NRXN1: variants seen among roughly 807,000 people sequenced by gnomAD.
NRXN1 encodes the protein neurexin 1.
In NRXN1, 39 loss-of-function variants were observed where a neutral mutation model predicts 150.9. The observed-to-expected ratio is 0.26, with a 90% CI of 0.20 to 0.34. The LOEUF is 0.34. Ranked by LOEUF, NRXN1 falls within the 10% of genes least tolerant of loss-of-function variation. The probability of loss-of-function intolerance (pLI) is 1.00; values close to 1 mark genes in which losing one functional copy is unlikely to be tolerated. For missense variants in NRXN1, 1,815 were observed against 1,949.9 expected (o/e 0.93, Z 1.30); for synonymous variants, 924 against 757.0 (o/e 1.22, Z -3.62).
Position 50,611,391 on chromosome 2 carries a change from C to T in NRXN1, c.1320+8631G>A, listed in dbSNP as rs1049642579. On this transcript the variant is annotated intron_variant, in intron 8 of 22. Transcript: ENST00000401669. ...GATGGGAAATAAAAATCTGTGGGTCCCCTGGAAAGGAAAGATTCTATGTTT... is the reference window on the plus strand; with the variant it reads ...GATGGGAAATAAAAATCTGTGGGTCTCCTGGAAAGGAAAGATTCTATGTTT... 2.0e-5 allele frequency among the ~76,000 whole-genome samples: 3 copies of T among 152,166 alleles called. 1 individual carries two copies. The highest frequency in any genetic ancestry group is 4.2e-4 in the South Asian group (2 of 4,818).
chr2:50,727,766 CAGACTTAATA>C lies in NRXN1; in HGVS notation c.833-104161_833-104152del, dbSNP rs1217686461. On this transcript the variant is annotated intron_variant, in intron 5 of 22. Coordinates refer to ENST00000401669, the MANE Select transcript of NRXN1 (RefSeq NM_001330078.2). ...AAGAAGAAGATCTTGGCTCCACTGT[CAGACTTAATA>C]AAGCTAGCATTGCATGAATCAGAAG... Among the ~76,000 whole-genome samples the C allele has an allele frequency of 6.6e-5, 10 of 152,198 alleles. No homozygotes were observed. In the East Asian group the frequency reaches 1.9e-3, roughly 29 times the overall value.
At chr2:49,997,781 C>T (rs1012907525) in intron 21 of NRXN1, among the ~76,000 whole-genome samples, 19 of 152,176 alleles carry the variant, frequency 1.2e-4, no homozygotes, top group Middle Eastern at 6.8e-3. Flanking sequence ...ACAGCCTGTT[C>T]CTAGAGTTCA....
intron 18 of NRXN1, among the ~76,000 whole-genome samples, chr2:50,202,322 C>T (rs1249996977): frequency 1.3e-5 from 2 of 151,998 alleles, no homozygotes; most frequent in Non-Finnish European, 2.9e-5. Flanking sequence ...CTGGCTAACA[C>T]GGTGAAACCC....
chr2:50,381,977 A>C (rs1171596305), intron 17 of NRXN1, among the ~76,000 whole-genome samples: 1 of 152,130 alleles, frequency 6.6e-6, no homozygotes, highest in Non-Finnish European at 1.5e-5. Context: ...AGGACAGAGA[A>C]GTTATTTAGT....
chr2:50,837,370 T>C (rs1208511900), intron 5 of NRXN1, among the ~76,000 whole-genome samples: 1 of 152,076 alleles, frequency 6.6e-6, no homozygotes, highest in Non-Finnish European at 1.5e-5. Flanking sequence ...AGCATAATGG[T>C]TTGGGGCAGG....
chr2:50,014,311 C>T (rs376911531), intron 21 of NRXN1, among the ~76,000 whole-genome samples: 2 of 151,998 alleles, frequency 1.3e-5, no homozygotes, highest in East Asian at 1.9e-4. Flanking sequence ...GGTTAGCACC[C>T]ACTAAGTGCT....
intron 18 of NRXN1, among the ~76,000 whole-genome samples, chr2:50,224,190 C>T (rs1222845844): frequency 6.6e-6 from 1 of 151,804 alleles, no homozygotes; most frequent in Middle Eastern, 3.2e-3. Flanking sequence ...TAATCATTTG[C>T]AAAATAAGCT....
chr2:50,872,982 C>T (rs888233428), intron 5 of NRXN1, among the ~76,000 whole-genome samples: 10 of 151,574 alleles, frequency 6.6e-5, no homozygotes, highest in African/African-American at 2.4e-4. Flanking sequence ...ACCTAGGTGG[C>T]AAAGCAAGAC....
rs564556859 is a variant in NRXN1, at chr2:50,965,107, T to C, written c.773-39152A>G. 3.3e-5 allele frequency among the ~76,000 whole-genome samples: 5 copies of C among 151,536 alleles called. No homozygotes were observed. The South Asian group carries it at 1.0e-3, about 31-fold the overall frequency. ...TATGAGTGTCGCAACCATTCTATTC[T>C]TCCCTCAAATACTATGAAACTTATA... On this transcript the variant is annotated intron_variant, in intron 2 of 22. Coordinates refer to ENST00000401669, the MANE Select transcript of NRXN1 (RefSeq NM_001330078.2).
At chr2:50,384,795 A>G (rs74998064) in intron 17 of NRXN1, among the ~76,000 whole-genome samples, 3,164 of 152,180 alleles carry the variant, frequency 0.021, 94 homozygotes, top group African/African-American at 0.071. Context: ...CCTGTCTTGC[A>G]TCTCTTGTAT....
chr2:50,345,224 C>T (rs570327902), intron 17 of NRXN1, among the ~76,000 whole-genome samples: 141 of 152,292 alleles, frequency 9.3e-4, no homozygotes, highest in African/African-American at 2.7e-3. Context: ...CTAGAACCCA[C>T]AGGGATGTGT....
At chr2:50,031,785 G>C (rs555575481) in intron 21 of NRXN1, among the ~76,000 whole-genome samples, 1 of 152,036 alleles carries the variant, frequency 6.6e-6, no homozygotes, top group Non-Finnish European at 1.5e-5. Context: ...GGGTTGTTTG[G>C]AAGTTAAACC....
intron 5 of NRXN1, among the ~76,000 whole-genome samples, chr2:50,670,162 G>A (rs924498892): frequency 1.3e-5 from 2 of 151,626 alleles, no homozygotes; most frequent in Non-Finnish European, 2.9e-5. Flanking sequence ...AATAAATACA[G>A]GTCTTTTCTC....
chr2:50,951,964 T>TATA (rs1491120783), intron 2 of NRXN1, among the ~76,000 whole-genome samples: 19 of 44,332 alleles, frequency 4.3e-4, no homozygotes, highest in East Asian at 2.7e-3. Context: ...TATATATATA[T>TATA]TTTTTTTTTT....
At chr2:50,811,594 G>A (rs1433036957) in intron 5 of NRXN1, among the ~76,000 whole-genome samples, 1 of 152,134 alleles carries the variant, frequency 6.6e-6, no homozygotes, top group Non-Finnish European at 1.5e-5. Context: ...CAATGTTCTA[G>A]AGTTACTTCT....
chr2:50,647,564 C>A lies in NRXN1; in HGVS notation c.833-23949G>T, dbSNP rs577774298. ...CCTAACTAGTGGAAATGCAAAGTAG[C>A]GCATACTATGGGGAATATAAATTGG... is the stretch of plus-strand genomic sequence containing the variant. On this transcript the variant is annotated intron_variant, in intron 5 of 22. Transcript: ENST00000401669. 2.6e-5 allele frequency among the ~76,000 whole-genome samples: 4 copies of A among 151,958 alleles called. 1 individual carries two copies. The highest frequency in any genetic ancestry group is 7.2e-5 in the African/African-American group (3 of 41,492).
At chr2:50,767,541 G>A (rs968244304) in intron 5 of NRXN1, among the ~76,000 whole-genome samples, 8 of 152,016 alleles carry the variant, frequency 5.3e-5, no homozygotes, top group Non-Finnish European at 8.8e-5. Context: ...CTAGATTTCC[G>A]ACAGTGTGCT....
intron 21 of NRXN1, among the ~76,000 whole-genome samples, chr2:50,024,317 GT>G (rs1400310843): frequency 2.4e-4 from 36 of 152,128 alleles, no homozygotes; most frequent in Admixed American, 2.3e-3. Context: ...AAAAGGACAG[GT>G]TTTTGCCCTG....
At chr2:50,283,574 A>T (rs914690138) in intron 17 of NRXN1, among the ~76,000 whole-genome samples, 4 of 152,194 alleles carry the variant, frequency 2.6e-5, no homozygotes, top group Non-Finnish European at 4.4e-5. Flanking sequence ...GAACGCATTG[A>T]CACAATCGTT....
Sources: gnomAD v4.1 joint callset for allele counts (sites outside exome capture counted in the v4.1 genomes callset) on GRCh38, gnomAD v4.1.1 for gene constraint, MANE v1.5 for transcripts, NCBI Gene and HGNC (gene_info 2026-07-23, HGNC 2026-07-21) for gene names.